DMD: variants seen among roughly 807,000 people sequenced by gnomAD.
DMD encodes mutant dystrophin.
Under a neutral mutation model 330.1 loss-of-function variants are expected in DMD, and 63 were observed. That is an observed-to-expected ratio of 0.19 (90% CI 0.16 to 0.24). The LOEUF is 0.24. Ranked by LOEUF, DMD falls within the 10% of genes least tolerant of loss-of-function variation. The pLI is 1.00. For missense variants in DMD, 3,344 were observed against 2,684.1 expected, an observed-to-expected ratio of 1.25 and a Z score of -5.43; for synonymous variants, 1,223 against 959.8, an observed-to-expected ratio of 1.27 and a Z score of -5.07.
intron 44 of DMD, among the ~76,000 whole-genome samples, chrX:32,100,779 C>T (rs187532957): frequency 9.0e-6 from 1 of 111,550 alleles, no homozygotes; most frequent in East Asian, 2.8e-4. Context: ...CTTTGCTTCC[C>T]TCCTGCTATC....
chrX:31,494,174 A>AC (rs2069603456), intron 57 of DMD, among the ~76,000 whole-genome samples: 2 of 108,615 alleles, frequency 1.8e-5, no homozygotes. Flanking sequence ...AAAAAAAAAA[A>AC]AATTGACCCA....
chrX:33,245,207 C>T (rs1369893849), intron 1 of DMD, among the ~76,000 whole-genome samples: 1 of 108,707 alleles, frequency 9.2e-6, no homozygotes, highest in African/African-American at 3.4e-5. Context: ...TAATGCATTT[C>T]AATAAGACTA....
At chrX:31,889,979 G>C (rs1021671738) in intron 47 of DMD, among the ~76,000 whole-genome samples, 2 of 109,967 alleles carry the variant, frequency 1.8e-5, no homozygotes, top group Admixed American at 9.8e-5. Context: ...GTCATGATCT[G>C]TACAGTTTTA....
chrX:32,266,974 G>A (rs776657943), intron 43 of DMD, among the ~76,000 whole-genome samples: 4 of 112,053 alleles, frequency 3.6e-5, no homozygotes, highest in South Asian at 3.7e-4. Flanking sequence ...GGGGCTGGAA[G>A]TAATTCCAGT....
intron 2 of DMD, among the ~76,000 whole-genome samples, chrX:32,876,289 T>A (rs1047226562): frequency 2.7e-5 from 3 of 112,162 alleles, no homozygotes; most frequent in Non-Finnish European, 5.6e-5. Context: ...ATACAAAATG[T>A]CAGTTATAAT....
At chrX:31,154,153 A>G (rs1223079444) in intron 74 of DMD, among the ~76,000 whole-genome samples, 1 of 112,023 alleles carries the variant, frequency 8.9e-6, no homozygotes, top group African/African-American at 3.2e-5. Flanking sequence ...ATTTAAAAAC[A>G]TCTATGCCAA....
intron 57 of DMD, among the ~76,000 whole-genome samples, chrX:31,482,564 G>T (rs762241472): frequency 9.0e-6 from 1 of 111,250 alleles, no homozygotes. Context: ...ATGAAACACA[G>T]AAGTAAAGTA....
intron 50 of DMD, among the ~76,000 whole-genome samples, chrX:31,814,209 C>T (rs186601059): frequency 1.8e-5 from 2 of 109,842 alleles, no homozygotes; most frequent in East Asian, 2.8e-4. Flanking sequence ...GGGCCGGGCG[C>T]GGTGGCTCAC....
chrX:33,200,172 T>G (rs893318306), intron 1 of DMD, among the ~76,000 whole-genome samples: 1 of 111,856 alleles, frequency 8.9e-6, no homozygotes, highest in Non-Finnish European at 1.9e-5. Context: ...AAAGTACTAT[T>G]ATTAATAGCT....
chrX:31,849,615 G>C (rs1423633810), intron 48 of DMD, among the ~76,000 whole-genome samples: 1 of 110,670 alleles, frequency 9.0e-6, no homozygotes, highest in African/African-American at 3.3e-5. Flanking sequence ...AGAAAAGAAG[G>C]ATCTTGTATA....
At chrX:32,213,746 A>G (rs1380235416) in intron 44 of DMD, among the ~76,000 whole-genome samples, 1 of 108,910 alleles carries the variant, frequency 9.2e-6, no homozygotes, top group Non-Finnish European at 1.9e-5. Flanking sequence ...AGGCTGAGAC[A>G]GGCAGACCAC....
At chrX:32,102,377 G>C (rs922425874) in intron 44 of DMD, among the ~76,000 whole-genome samples, 5 of 111,583 alleles carry the variant, frequency 4.5e-5, no homozygotes, top group Non-Finnish European at 7.5e-5. Flanking sequence ...AATTAAGTTT[G>C]TATTAGTTTC....
chrX:32,240,677 G>C (rs777190349), intron 43 of DMD, among the ~76,000 whole-genome samples: 1 of 111,633 alleles, frequency 9.0e-6, no homozygotes, highest in Non-Finnish European at 1.9e-5. Flanking sequence ...GGGACTGCTG[G>C]TCTCACCATT....
intron 45 of DMD, among the ~76,000 whole-genome samples, chrX:31,942,516 A>G (rs2095020946): frequency 8.9e-6 from 1 of 112,166 alleles, no homozygotes; most frequent in African/African-American, 3.2e-5. Context: ...CCAGCACTAT[A>G]TCCATATCAG....
intron 7 of DMD, among the ~76,000 whole-genome samples, chrX:32,716,530 T>C (rs1441618456): frequency 9.0e-6 from 1 of 111,520 alleles, no homozygotes; most frequent in Non-Finnish European, 1.9e-5. Flanking sequence ...AGGTAGTTTA[T>C]AGCAATGCGA....
At chrX:31,203,225 T>C (rs973935014) in intron 67 of DMD, among the ~76,000 whole-genome samples, 51 of 94,250 alleles carry the variant, frequency 5.4e-4, no homozygotes, top group African/African-American at 2.0e-3. Context: ...GAGGTTGCAG[T>C]GAGCAGAGAT....
chrX:32,948,390 A>G (rs2180648), intron 2 of DMD, among the ~76,000 whole-genome samples: 35,006 of 110,841 alleles, frequency 0.32, 5,605 homozygotes, highest in African/African-American at 0.62. Context: ...AACATAACAG[A>G]TTGTACTTGT....
chrX:33,332,090 T>C (rs2054187999), intron 1 of DMD, among the ~76,000 whole-genome samples: 1 of 111,759 alleles, frequency 8.9e-6, no homozygotes, highest in African/African-American at 3.2e-5. Flanking sequence ...TAACTTGAGT[T>C]TTTTCATTTA....
chrX:32,063,074 T>C (rs1162879393), intron 44 of DMD, among the ~76,000 whole-genome samples: 1 of 110,701 alleles, frequency 9.0e-6, no homozygotes, highest in Non-Finnish European at 1.9e-5. Flanking sequence ...ATTAAGTCAA[T>C]TCAGCTTTTG....
Sources: allele counts gnomAD v4.1 joint callset (sites outside exome capture counted in the v4.1 genomes callset), GRCh38; gene constraint gnomAD v4.1.1; transcripts MANE v1.5; gene names NCBI Gene and HGNC (gene_info 2026-07-23, HGNC 2026-07-21).